Variants in MEIS2 observed in about 807,000 individuals in gnomAD.
MEIS2 encodes Meis homeobox 2.
In MEIS2, 9 loss-of-function variants were observed where a neutral mutation model predicts 58.6. The observed-to-expected ratio is 0.15, with a 90% CI of 0.09 to 0.27. MEIS2 has a LOEUF of 0.27. Among genes scored for constraint, MEIS2 ranks in the 10% least tolerant of loss-of-function variants. The pLI, the probability that MEIS2 is intolerant of heterozygous loss-of-function variation, is 1.00. For missense variants in MEIS2, 427 were observed against 635.0 expected (o/e 0.67, Z 3.52); for synonymous variants, 221 against 228.4 (o/e 0.97, Z 0.29).
chr15:36,912,534 G>C (rs571974261), intron 9 of MEIS2, among the ~76,000 whole-genome samples: 15 of 152,294 alleles, frequency 9.8e-5, no homozygotes, highest in Non-Finnish European at 2.2e-4. Flanking sequence ...AAAGGAAGGA[G>C]GCAAGAAGGT....
intron 8 of MEIS2, among the ~76,000 whole-genome samples, chr15:37,030,258 C>A (rs1401964101): frequency 6.6e-6 from 1 of 152,180 alleles, no homozygotes; most frequent in East Asian, 1.9e-4. Context: ...CACCAGGACT[C>A]TCTAATGCTA....
chr15:37,034,485 T>G (rs2062063910), intron 8 of MEIS2, among the ~76,000 whole-genome samples: 1 of 152,098 alleles, frequency 6.6e-6, no homozygotes, highest in South Asian at 2.1e-4. Flanking sequence ...ATTCTTGAGG[T>G]GACTACAAGC....
intron 9 of MEIS2, among the ~76,000 whole-genome samples, chr15:36,911,964 T>C (rs957550782): frequency 6.6e-6 from 1 of 152,222 alleles, no homozygotes; most frequent in Non-Finnish European, 1.5e-5. Flanking sequence ...AAGTAAGCAG[T>C]ACAGGACTCG....
At chr15:37,030,432 G>A (rs2061870106) in intron 8 of MEIS2, among the ~76,000 whole-genome samples, 1 of 151,912 alleles carries the variant, frequency 6.6e-6, no homozygotes, top group African/African-American at 2.4e-5. Flanking sequence ...TACCTCCCGG[G>A]CTCAAGCAAT....
At chr15:37,096,607 AAAAGGGCC>A in intron 2 of MEIS2, 177 bp from the exon 3 acceptor site, 1 of 685,962 alleles carries the variant, frequency 1.5e-6, no homozygotes, top group Non-Finnish European at 2.2e-6. Flanking sequence ...ACAGAAAGGG[AAAAGGGCC>A]TGGCCCTCTC....
chr15:36,933,234 A>T (rs1371988527), intron 9 of MEIS2, among the ~76,000 whole-genome samples: 1 of 152,170 alleles, frequency 6.6e-6, no homozygotes, highest in Non-Finnish European at 1.5e-5. Flanking sequence ...TAGGAACACT[A>T]TCTCAGCATC....
intron 9 of MEIS2, among the ~76,000 whole-genome samples, chr15:36,921,180 T>C (rs1029595918): frequency 6.6e-6 from 1 of 152,280 alleles, no homozygotes; most frequent in East Asian, 1.9e-4. Context: ...GCCTTGATGA[T>C]AGGTATCACC....
At chr15:36,903,510 G>T (rs2056580949) in intron 9 of MEIS2, among the ~76,000 whole-genome samples, 2 of 152,152 alleles carry the variant, frequency 1.3e-5, no homozygotes, top group African/African-American at 2.4e-5. Context: ...TCCAGATCTG[G>T]ATACCTACAC....
At chr15:36,976,994 C>T (rs866047943) in intron 8 of MEIS2, among the ~76,000 whole-genome samples, 3 of 152,040 alleles carry the variant, frequency 2.0e-5, no homozygotes, top group South Asian at 2.1e-4. Context: ...GGCATGGTGG[C>T]GCATGCCTCT....
chr15:37,098,557 A>C, intron 1 of MEIS2: 1 of 364,146 alleles, frequency 2.7e-6, no homozygotes, highest in Non-Finnish European at 4.0e-6. Context: ...AAAAATGAAA[A>C]AGCATGAACC....
chr15:36,916,352 G>C (rs570808161), intron 9 of MEIS2, among the ~76,000 whole-genome samples: 1 of 151,172 alleles, frequency 6.6e-6, no homozygotes, highest in Non-Finnish European at 1.5e-5. Flanking sequence ...GTGTGAACCC[G>C]GTAGGCAGAG....
At chr15:36,948,873 T>C (rs1012805108) in intron 9 of MEIS2, among the ~76,000 whole-genome samples, 3 of 151,974 alleles carry the variant, frequency 2.0e-5, no homozygotes, top group Non-Finnish European at 2.9e-5. Context: ...AAGTTTTTGG[T>C]CTAAAGGGTG....
chr15:36,936,506 A>G (rs2058180739), intron 9 of MEIS2, among the ~76,000 whole-genome samples: 1 of 152,160 alleles, frequency 6.6e-6, no homozygotes. Flanking sequence ...GTAAACAACC[A>G]TTTCTCCTTT....
chr15:36,904,445 C>A (rs1485396067), intron 9 of MEIS2, among the ~76,000 whole-genome samples: 1 of 152,076 alleles, frequency 6.6e-6, no homozygotes, highest in Non-Finnish European at 1.5e-5. Context: ...TAGCAACCAT[C>A]TACAAGGAAG....
chr15:36,985,229 C>G (rs902860825), intron 8 of MEIS2, among the ~76,000 whole-genome samples: 4 of 152,138 alleles, frequency 2.6e-5, no homozygotes, highest in Non-Finnish European at 5.9e-5. Flanking sequence ...CTATCCTTCT[C>G]TGGACCATCA....
rs2141208496 is a variant in MEIS2, at chr15:36,890,732, T to C, written c.*1441A>G. 6.6e-6 allele frequency: 1 copy of C among 152,288 alleles called. No individual in the cohort carries two copies. The highest frequency in any genetic ancestry group is 1.9e-4 in the East Asian group (1 of 5,192). 9.4% of individuals were successfully genotyped at this position (152,288 alleles called of 1,614,324 possible). A position where few individuals can be genotyped will look rare whatever the true frequency, so the allele number is the denominator to read the frequency against. ...CAGAGGATGCCCATGAAAAGCTTTA[T>C]CTGAAAGTATATATTTTTTAACGTC... On this transcript the variant is annotated 3_prime_UTR_variant, in exon 12 of 12. Coordinates refer to ENST00000561208, the MANE Select transcript of MEIS2 (RefSeq NM_170675.5).
At chr15:37,088,072 G>C (rs1324262306) in intron 6 of MEIS2, among the ~76,000 whole-genome samples, 1 of 152,136 alleles carries the variant, frequency 6.6e-6, no homozygotes, top group African/African-American at 2.4e-5. Flanking sequence ...TTGGAATTAA[G>C]ATGCTGGCAT....
At position 36,929,083 on chromosome 15, in the gene MEIS2, T is replaced by C. The variant is rs895126469; in HGVS notation, c.977+21241A>G. On this transcript the variant is annotated intron_variant, in intron 9 of 11. Coordinates refer to ENST00000561208, the MANE Select transcript of MEIS2 (RefSeq NM_170675.5). ...CTTCCTCAATAGACTGGAAACTCCA[T>C]GAGGGCAGGGTTGCAACTCTGGTTT... Among the ~76,000 whole-genome samples the C allele has an allele frequency of 4.1e-4, 62 of 152,232 alleles. 1 individual carries two copies. The highest frequency in any genetic ancestry group is 3.3e-3 in the Admixed American group (50 of 15,282).
intron 7 of MEIS2, among the ~76,000 whole-genome samples, chr15:37,037,311 C>CT (rs951544963): frequency 6.6e-6 from 1 of 152,178 alleles, no homozygotes; most frequent in African/African-American, 2.4e-5. Context: ...TGAACACATA[C>CT]TGTAGGGTAA....
Sources: allele counts gnomAD v4.1 joint callset (sites outside exome capture counted in the v4.1 genomes callset), GRCh38; gene constraint gnomAD v4.1.1; transcripts MANE v1.5; gene names NCBI Gene and HGNC (gene_info 2026-07-23, HGNC 2026-07-21).